PCDHA11: variants seen among roughly 807,000 people sequenced by gnomAD.
The protein encoded by PCDHA11 is protocadherin alpha 11.
In PCDHA11, 61 loss-of-function variants were observed where a neutral mutation model predicts 70.3. The observed-to-expected ratio is 0.87, with a 90% CI of 0.71 to 1.07. PCDHA11 has a LOEUF of 1.07. PCDHA11 is among the 50% of genes least tolerant of loss of function. The pLI is 0.00. For missense variants in PCDHA11, 1,324 were observed against 1,237.5 expected (o/e 1.07, Z -1.05); for synonymous variants, 633 against 555.1 (o/e 1.14, Z -1.97).
intron 1 of PCDHA11, among the ~76,000 whole-genome samples, chr5:140,963,667 T>G (rs1206076549): frequency 3.9e-5 from 6 of 152,238 alleles, no homozygotes; most frequent in African/African-American, 1.4e-4. Context: ...CTATATGGCA[T>G]AGTTAAATGT....
chr5:140,922,337 T>C lies in PCDHA11; in HGVS notation c.2391+50843T>C, dbSNP rs150639608. On this transcript the variant is annotated intron_variant, in intron 1 of 3. Transcript: ENST00000398640. ...GAAGATCTTGGAAAGGGTTGGTATA[T>C]TGGTATTTTCTAGAGTAGTGATTCT... Among the ~76,000 whole-genome samples the C allele has an allele frequency of 3.4e-3, 512 of 152,346 alleles. 3 individuals carry two copies. The highest frequency in any genetic ancestry group is 0.012 in the African/African-American group (489 of 41,580).
intron 3 of PCDHA11, among the ~76,000 whole-genome samples, chr5:140,992,128 G>GACTGATGAT (rs2097493639): frequency 6.6e-6 from 1 of 151,816 alleles, no homozygotes; most frequent in Non-Finnish European, 1.5e-5. Context: ...GAAGAACAGT[G>GACTGATGAT]ACTGATGATG....
intron 1 of PCDHA11, among the ~76,000 whole-genome samples, chr5:140,941,202 C>CCTTTCTTCCTTCCTTTCTTT (rs1394736170): frequency 8.1e-5 from 10 of 122,740 alleles, no homozygotes; most frequent in African/African-American, 2.1e-4. Context: ...TTTCTTTCTT[C>CCTTTCTTCCTTCCTTTCTTT]CTTTCTTTCT....
At chr5:140,985,619 G>A (rs961379624) in intron 3 of PCDHA11, among the ~76,000 whole-genome samples, 1 of 152,064 alleles carries the variant, frequency 6.6e-6, no homozygotes, top group Non-Finnish European at 1.5e-5. Flanking sequence ...TGAACCAGCT[G>A]TGTATTGCTC....
intron 1 of PCDHA11, among the ~76,000 whole-genome samples, chr5:140,899,014 T>C (rs2067098044): frequency 6.6e-6 from 1 of 151,934 alleles, no homozygotes. Context: ...TGTATAAGAA[T>C]GCTTGTGATT....
At chr5:140,936,604 G>A (rs1186463181) in intron 1 of PCDHA11, among the ~76,000 whole-genome samples, 4 of 152,116 alleles carry the variant, frequency 2.6e-5, no homozygotes, top group South Asian at 2.1e-4. Context: ...TACTTTCCTC[G>A]CTGCTACTGT....
At chr5:140,902,206 T>TC (rs2069239214) in intron 1 of PCDHA11, among the ~76,000 whole-genome samples, 1 of 145,724 alleles carries the variant, frequency 6.9e-6, no homozygotes, top group South Asian at 2.1e-4. Flanking sequence ...TCTCTTTCTT[T>TC]TTTTTTTTTT....
intron 1 of PCDHA11, chr5:140,967,813 C>T (rs12153295): frequency 0.14 from 229,585 of 1,614,060 alleles, 17,281 homozygotes; most frequent in Middle Eastern, 0.18. Context: ...CAGGTCACTG[C>T]AAGGTGCTGG....
chr5:140,932,593 A>T (rs1347990722), intron 1 of PCDHA11, among the ~76,000 whole-genome samples: 1 of 151,922 alleles, frequency 6.6e-6, no homozygotes, highest in South Asian at 2.1e-4. Context: ...GATGTTTTGT[A>T]TATCTATTTT....
chr5:140,941,202 C>CTTTCTTTCTTT (rs1554213921), intron 1 of PCDHA11, among the ~76,000 whole-genome samples: 2,980 of 122,772 alleles, frequency 0.024, 108 homozygotes, highest in East Asian at 0.062. Context: ...TTTCTTTCTT[C>CTTTCTTTCTTT]CTTTCTTTCT....
chr5:140,887,787 C>T (rs782343895), intron 1 of PCDHA11, among the ~76,000 whole-genome samples: 8 of 152,080 alleles, frequency 5.3e-5, no homozygotes, highest in African/African-American at 9.7e-5. Flanking sequence ...GTCATTGAAG[C>T]GTTCTTTATT....
chr5:140,872,003 A>G (rs1314439086), intron 1 of PCDHA11, among the ~76,000 whole-genome samples: 1 of 152,202 alleles, frequency 6.6e-6, no homozygotes, highest in South Asian at 2.1e-4. Context: ...GGCTATTTAC[A>G]GGTGACCTGT....
chr5:140,985,899 C>T (rs1303947192), intron 3 of PCDHA11, among the ~76,000 whole-genome samples: 2 of 152,020 alleles, frequency 1.3e-5, no homozygotes, highest in African/African-American at 4.8e-5. Flanking sequence ...GCCACCACTC[C>T]CGTCTAATTT....
Position 140,989,317 on chromosome 5 carries a change from C to T in PCDHA11, c.2539+6754C>T, listed in dbSNP as rs184467267. Among the ~76,000 whole-genome samples, 489 of 152,240 alleles carry T rather than the reference C, an allele frequency of 3.2e-3. 2 individuals carry two copies. Among genetic ancestry groups the T allele is most frequent in the African/African-American group, 0.011 (440 of 41,530 alleles). Reference sequence around the variant, plus strand: ...AAAGGGCCAAGGAAGTAGGGTCTCACCAACTTTGCCACCTGACTCAGCTCA... The same window carrying T: ...AAAGGGCCAAGGAAGTAGGGTCTCATCAACTTTGCCACCTGACTCAGCTCA... On this transcript the variant is annotated intron_variant, in intron 3 of 3. Transcript: ENST00000398640.
chr5:140,979,175 AAT>A, intron 2 of PCDHA11, 168 bp downstream of exon 2: 3 of 951,630 alleles, frequency 3.2e-6, no homozygotes, highest in Non-Finnish European at 3.8e-6. Flanking sequence ...AAAGATCGCA[AAT>A]GGTCAGTGCC....
In PCDHA11 at chr5:140,871,284, T is replaced by G; in HGVS notation, c.2181T>G (p.Thr727=). 6.2e-7 allele frequency: 1 copy of G among 1,613,896 alleles called. No individual in the cohort carries two copies. The change falls in exon 1 of 4, where the codon ACT becomes ACG. Residue 727 remains threonine (T), a synonymous_variant. Coordinates refer to ENST00000398640, the MANE Select transcript of PCDHA11 (RefSeq NM_018902.5). ...YTALWWSATP[T]EGACAPGKPT... is the part of the protein sequence containing the mutation. ...CGCTGTGGTGGTCGGCAACGCCCAC[T>G]GAGGGCGCGTGCGCGCCGGGGAAGC...
chr5:140,953,576 C>T (rs1466296429), intron 1 of PCDHA11, among the ~76,000 whole-genome samples: 1 of 152,090 alleles, frequency 6.6e-6, no homozygotes, highest in Non-Finnish European at 1.5e-5. Flanking sequence ...CCTCCTCTCC[C>T]AAAACTGCCT....
chr5:140,968,046 T>A (rs1554230254), intron 1 of PCDHA11: 2 of 1,614,072 alleles, frequency 1.2e-6, no homozygotes, highest in African/African-American at 1.3e-5. Context: ...AGCGGCCCAC[T>A]GGACCGAGAG....
intron 1 of PCDHA11, among the ~76,000 whole-genome samples, chr5:140,894,100 G>C (rs1554185932): frequency 2.0e-5 from 3 of 151,990 alleles, no homozygotes; most frequent in African/African-American, 7.3e-5. Context: ...CTAGCTCCTG[G>C]TGTTGCAGAT....
Sources: allele counts gnomAD v4.1 joint callset (sites outside exome capture counted in the v4.1 genomes callset), GRCh38; gene constraint gnomAD v4.1.1; transcripts MANE v1.5; gene names NCBI Gene and HGNC (gene_info 2026-07-23, HGNC 2026-07-21).